ZFP1: variants seen among roughly 807,000 people sequenced by gnomAD.
The protein encoded by ZFP1 is ZFP1 zinc finger protein.
ZFP1 carries 32 observed loss-of-function variants against 38.5 expected under a neutral mutation model. That is an observed-to-expected ratio of 0.83 (90% CI 0.63 to 1.12). The LOEUF (loss-of-function observed/expected upper bound fraction) is 1.12. Among genes scored for constraint, ZFP1 ranks in the 50% most tolerant of loss-of-function variants. The pLI, the probability that ZFP1 is intolerant of heterozygous loss-of-function variation, is 0.00. For synonymous variants in ZFP1, 245 were observed against 168.8 expected (o/e 1.45, Z -3.50); for missense variants, 616 against 480.8 (o/e 1.28, Z -2.63).
chr16:75,123,489 A>G, the ZFP1 span, among the ~76,000 whole-genome samples: 3,167 of 116,736 alleles, frequency 0.027, 226 homozygotes, highest in East Asian at 0.17. Flanking sequence ...ATATATATAT[A>G]TATATATATA....
chr16:75,147,580 C>G (rs2036969116), upstream of ZFP1, among the ~76,000 whole-genome samples: 1 of 151,980 alleles, frequency 6.6e-6, no homozygotes, highest in African/African-American at 2.4e-5. Flanking sequence ...AGCCACTGAG[C>G]CTGGCCAGGT....
the ZFP1 span, among the ~76,000 whole-genome samples, chr16:75,124,857 A>G: frequency 7.1e-6 from 1 of 141,604 alleles, no homozygotes; most frequent in Non-Finnish European, 1.5e-5. Flanking sequence ...TTATAAAAAT[A>G]AAGAGGTTTT....
In ZFP1 at chr16:75,171,642, C is replaced by T. The variant is rs1179545973; in HGVS notation, c.*1308C>T. On this transcript the variant is annotated 3_prime_UTR_variant, in exon 4 of 4. Coordinates refer to ENST00000570010, the MANE Select transcript of ZFP1 (RefSeq NM_153688.4). ...ATTCTTAAGTTCAGCCTTTCCCTAT[C>T]AATCACAAATCATGTATTGGAAATT... The T allele has an allele frequency of 1.3e-5, 2 of 152,190 alleles. No homozygotes were observed. The highest frequency in any genetic ancestry group is 2.9e-5 in the Non-Finnish European group (2 of 68,036). The allele number at this position is 152,190 out of a possible 1,614,324, so 9.4% of individuals were successfully genotyped here.
the ZFP1 span, among the ~76,000 whole-genome samples, chr16:75,142,958 T>C: frequency 6.6e-6 from 1 of 152,130 alleles, no homozygotes; most frequent in Non-Finnish European, 1.5e-5. Context: ...TACCTTGGCC[T>C]CCCAAAGTGC....
upstream of ZFP1, among the ~76,000 whole-genome samples, chr16:75,144,540 T>C (rs151252368): frequency 6.2e-4 from 95 of 152,322 alleles, no homozygotes; most frequent in Admixed American, 2.0e-3. Flanking sequence ...TTATAGGTTA[T>C]GGTAATTTAT....
upstream of ZFP1, among the ~76,000 whole-genome samples, chr16:75,148,090 G>A: frequency 6.6e-6 from 1 of 152,164 alleles, no homozygotes; most frequent in East Asian, 1.9e-4. Context: ...TGCAGCACAT[G>A]ATACCTTTAT....
At chr16:75,152,365 A>T (rs1403396309) in intron 1 of ZFP1, among the ~76,000 whole-genome samples, 1 of 152,104 alleles carries the variant, frequency 6.6e-6, no homozygotes, top group Non-Finnish European at 1.5e-5. Context: ...CAGCCCTTGG[A>T]TGCTCTATCC....
Position 75,169,770 on chromosome 16 carries a change from CT to C in ZFP1, c.662del (p.Phe221SerfsTer123). The C allele has an allele frequency of 6.2e-7, 1 of 1,613,436 alleles. No homozygotes were observed. The highest frequency in any genetic ancestry group is 8.5e-7 in the Non-Finnish European group (1 of 1,179,740). ...ATGAATGCAATGTATGTAAGAAAAC[CT>C]TCTCCCATAAGGCCAACCTCATCAA... ...PYECNVCKKT[F>X]SHKANLIKHQ... On this transcript the variant is annotated frameshift_variant, in exon 4 of 4. Transcript: ENST00000570010. LOFTEE classifies it high-confidence loss of function.
chr16:75,169,777 C>T lies in ZFP1; in HGVS notation c.667C>T (p.His223Tyr). Reference sequence around the variant, plus strand: ...CAATGTATGTAAGAAAACCTTCTCCCATAAGGCCAACCTCATCAAACATCA... The same window carrying T: ...CAATGTATGTAAGAAAACCTTCTCCTATAAGGCCAACCTCATCAAACATCA... ...ECNVCKKTFS[H>Y]KANLIKHQRI... is the part of the protein sequence containing the mutation. Residue 223 changes from histidine to tyrosine, a missense_variant, in exon 4 of 4, where the codon CAT becomes TAT. By Grantham distance (83) the His-to-Tyr change is moderately conservative (BLOSUM62 2). Transcript: ENST00000570010. 1.2e-6 allele frequency: 2 copies of T among 1,613,734 alleles called. No homozygotes were observed. Among genetic ancestry groups the T allele is most frequent in the South Asian group, 1.1e-5 (1 of 91,036 alleles).
the ZFP1 span, among the ~76,000 whole-genome samples, chr16:75,125,332 T>C: frequency 2.0e-5 from 3 of 152,172 alleles, no homozygotes; most frequent in Admixed American, 6.5e-5. Flanking sequence ...TGTTTGTTTG[T>C]TGTTTTGTGA....
chr16:75,164,251 AACAG>A (rs962558004), intron 2 of ZFP1, among the ~76,000 whole-genome samples: 2 of 151,570 alleles, frequency 1.3e-5, no homozygotes, highest in African/African-American at 4.8e-5. Flanking sequence ...TTAGTCTTTT[AACAG>A]ACATTTATCC....
chr16:75,165,212 A>G (rs1335413737), intron 2 of ZFP1, among the ~76,000 whole-genome samples: 5 of 152,174 alleles, frequency 3.3e-5, no homozygotes, highest in African/African-American at 1.2e-4. Context: ...AGCAGAGACT[A>G]CATGTAGCCT....
At position 75,169,779 on chromosome 16, in the gene ZFP1, T is replaced by TA; in HGVS notation, c.671dup (p.Ala225GlyfsTer45). The stretch of plus-strand genomic sequence containing the variant: ...ATGTATGTAAGAAAACCTTCTCCCA[T>TA]AAGGCCAACCTCATCAAACATCAGA... On this transcript the variant is annotated frameshift_variant, in exon 4 of 4. Coordinates refer to ENST00000570010, the MANE Select transcript of ZFP1 (RefSeq NM_153688.4). LOFTEE classifies it high-confidence loss of function. 1 of 1,613,776 alleles carries TA rather than the reference T, an allele frequency of 6.2e-7. No individual in the cohort carries two copies. Among genetic ancestry groups the TA allele is most frequent in the East Asian group, 2.2e-5 (1 of 44,876 alleles).
chr16:75,166,928 G>A lies in ZFP1; in HGVS notation c.142+32G>A, dbSNP rs549740432. 4 of 1,594,448 alleles carry A rather than the reference G, an allele frequency of 2.5e-6. No homozygotes were observed. In the African/African-American group the frequency reaches 4.0e-5, roughly 16 times the overall value. Reference sequence around the variant, plus strand: ...ACGGTTTTCAGGTACAGCTCACCATGTGCCTAGAGGTATTTATGTCCTGTC... The same window carrying A: ...ACGGTTTTCAGGTACAGCTCACCATATGCCTAGAGGTATTTATGTCCTGTC... On this transcript the variant is annotated intron_variant, in intron 3 of 3. Transcript: ENST00000570010.
chr16:75,122,690 G>A, the ZFP1 span, among the ~76,000 whole-genome samples: 3 of 152,194 alleles, frequency 2.0e-5, no homozygotes, highest in African/African-American at 7.2e-5. Context: ...CTCATCTTGT[G>A]GCTTTAGGCA....
the ZFP1 span, among the ~76,000 whole-genome samples, chr16:75,139,279 G>C: frequency 7.0e-6 from 1 of 143,350 alleles, no homozygotes; most frequent in African/African-American, 2.5e-5. Context: ...TGAGGCAGGA[G>C]AATGGCTTGA....
the ZFP1 span, among the ~76,000 whole-genome samples, chr16:75,121,344 T>C: frequency 4.3e-4 from 65 of 151,368 alleles, no homozygotes; most frequent in African/African-American, 9.9e-4. Flanking sequence ...CCAGGATGGT[T>C]TCGATCTCCT....
intron 2 of ZFP1, among the ~76,000 whole-genome samples, chr16:75,159,323 T>TTCCCTCCC (rs1182125172): frequency 3.0e-4 from 2 of 6,592 alleles, no homozygotes; most frequent in African/African-American, 5.0e-4. Context: ...TTTCCCTCCT[T>TTCCCTCCC]TCCCTCCCTC....
Position 75,170,020 on chromosome 16 carries a change from A to T in ZFP1, c.910A>T (p.Thr304Ser), listed in dbSNP as rs1174718550. Residue 304 changes from threonine to serine, a missense_variant, in exon 4 of 4, where the codon ACC (threonine) becomes TCC (serine). Transcript: ENST00000570010. ...RPYECNECAK[T>S]FFKKSNLIIH... The stretch of plus-strand genomic sequence containing the variant: ...CTATGAGTGTAACGAATGTGCAAAA[A>T]CCTTCTTTAAGAAGTCAAACCTTAT... 4 of 1,614,006 alleles carry T rather than the reference A, an allele frequency of 2.5e-6. No individual in the cohort carries two copies. The highest frequency in any genetic ancestry group is 3.4e-6 in the Non-Finnish European group (4 of 1,180,024).
Sources: allele counts gnomAD v4.1 joint callset (sites outside exome capture counted in the v4.1 genomes callset), GRCh38; gene constraint gnomAD v4.1.1; transcripts MANE v1.5; gene names NCBI Gene and HGNC (gene_info 2026-07-23, HGNC 2026-07-21).